Variants in HACE1 observed in about 807,000 individuals in gnomAD.
HACE1 encodes HECT domain and ankyrin repeat containing E3 ubiquitin protein ligase 1.
HACE1 carries 73 observed loss-of-function variants against 118.4 expected under a neutral mutation model. That is an observed-to-expected ratio of 0.62 (90% CI 0.51 to 0.75). The LOEUF is 0.75. Ranked by LOEUF, HACE1 falls within the 30% of genes least tolerant of loss-of-function variation. HACE1 has a pLI of 0.00. For synonymous variants in HACE1, 368 were observed against 374.8 expected, an observed-to-expected ratio of 0.98 and a Z score of 0.21; for missense variants, 749 against 1,102.2, an observed-to-expected ratio of 0.68 and a Z score of 4.54.
At chr6:104,832,970 T>C in intron 6 of HACE1, 72 bp downstream of exon 6, 1 of 1,383,364 alleles carries the variant, frequency 7.2e-7, no homozygotes, top group Non-Finnish European at 1.0e-6. Context: ...ATATGCACAA[T>C]GAAAAACTTT....
At chr6:104,766,237 ATC>A (rs1327176016) in intron 19 of HACE1, among the ~76,000 whole-genome samples, 2 of 152,120 alleles carry the variant, frequency 1.3e-5, no homozygotes, top group Non-Finnish European at 2.9e-5. Flanking sequence ...GCATGATGGA[ATC>A]TTGGTGTGTT....
At chr6:104,772,783 T>G (rs1002770341) in intron 17 of HACE1, among the ~76,000 whole-genome samples, 1 of 152,174 alleles carries the variant, frequency 6.6e-6, no homozygotes, top group African/African-American at 2.4e-5. Flanking sequence ...GAATCCACTT[T>G]TATAAAATAT....
chr6:104,786,604 C>CAAAAAAAAAAAAAAAAAAAAAAAA, intron 11 of HACE1: 1 of 67,918 alleles, frequency 1.5e-5, no homozygotes, highest in Non-Finnish European at 3.3e-5. Flanking sequence ...ATACTGTCTC[C>CAAAAAAAAAAAAAAAAAAAAAAAA]AAAAAAAAAA....
At chr6:104,743,132 A>T (rs1398782614) in intron 22 of HACE1, among the ~76,000 whole-genome samples, 1 of 136,684 alleles carries the variant, frequency 7.3e-6, no homozygotes, top group Non-Finnish European at 1.5e-5. Flanking sequence ...TGGACACAGG[A>T]AGGGGAATAT....
chr6:104,794,385 T>A (rs1783389002), intron 10 of HACE1, among the ~76,000 whole-genome samples: 1 of 152,208 alleles, frequency 6.6e-6, no homozygotes, highest in African/African-American at 2.4e-5. Context: ...ATAGGGTACT[T>A]AAAATTATAA....
Position 104,852,387 on chromosome 6 carries a change from CAA to C in HACE1, c.77-18_77-17del, listed in dbSNP as rs1491227817. 3 of 1,448,302 alleles carry C rather than the reference CAA, an allele frequency of 2.1e-6. No individual in the cohort carries two copies. The African/African-American group carries it at 4.2e-5, about 20-fold the overall frequency. 89.7% of individuals were successfully genotyped at this position (1,448,302 alleles called of 1,614,324 possible). On this transcript the variant is annotated splice_polypyrimidine_tract_variant and intron_variant, in intron 1 of 23. Coordinates refer to ENST00000262903, the MANE Select transcript of HACE1 (RefSeq NM_020771.4). Reference sequence around the variant, plus strand: ...GTTTCATTATCTGAGTAAAAAAAAACAAAGAGTTCATTTATCCCCTACTTTGT... The same window carrying C: ...GTTTCATTATCTGAGTAAAAAAAAACAGAGTTCATTTATCCCCTACTTTGT...
intron 6 of HACE1, among the ~76,000 whole-genome samples, chr6:104,814,562 A>G (rs1771925226): frequency 7.2e-6 from 1 of 138,546 alleles, no homozygotes; most frequent in Middle Eastern, 3.5e-3. Context: ...GAAAGAGAAT[A>G]AACCATAATA....
At chr6:104,801,467 G>A (rs896193531) in intron 7 of HACE1, among the ~76,000 whole-genome samples, 1 of 152,160 alleles carries the variant, frequency 6.6e-6, no homozygotes, top group Non-Finnish European at 1.5e-5. Flanking sequence ...CAGTCAGAGA[G>A]AAAGGTCAGT....
intron 11 of HACE1, among the ~76,000 whole-genome samples, 171 bp downstream of exon 11, chr6:104,791,333 C>T (rs145672142): frequency 3.0e-4 from 45 of 152,236 alleles, no homozygotes; most frequent in African/African-American, 1.0e-3. Context: ...CACCAACTTG[C>T]TGTTGATTAG....
intron 20 of HACE1, among the ~76,000 whole-genome samples, chr6:104,745,719 G>C (rs984026952): frequency 6.6e-5 from 10 of 151,888 alleles, no homozygotes; most frequent in African/African-American, 2.4e-4. Context: ...GGGATTACAG[G>C]CGTGAACCAC....
intron 3 of HACE1, among the ~76,000 whole-genome samples, chr6:104,850,325 T>A (rs1168847997): frequency 6.6e-6 from 1 of 152,200 alleles, no homozygotes; most frequent in Non-Finnish European, 1.5e-5. Flanking sequence ...ACTTTCAAGA[T>A]GGTCCATTCT....
In HACE1 at chr6:104,818,844, T is replaced by TA. The variant is rs556416348; in HGVS notation, c.535-7452dup. 2.8e-3 allele frequency among the ~76,000 whole-genome samples: 415 copies of TA among 146,650 alleles called. 4 individuals carry two copies. Among genetic ancestry groups the TA allele is most frequent in the Non-Finnish European group, 3.8e-3 (251 of 66,146 alleles). ...ATAAAATTCAACATCGATTTATGTT[T>TA]AAAAAAAAAAACTCTTAAAAAACTA... On this transcript the variant is annotated intron_variant, in intron 6 of 23. Coordinates refer to ENST00000262903, the MANE Select transcript of HACE1 (RefSeq NM_020771.4).
chr6:104,736,776 A>C (rs1775886233), intron 22 of HACE1, among the ~76,000 whole-genome samples: 1 of 152,176 alleles, frequency 6.6e-6, no homozygotes, highest in South Asian at 2.1e-4. Flanking sequence ...TGCCCAGCCT[A>C]TTTATTCTTT....
chr6:104,814,933 A>T lies in HACE1; in HGVS notation c.535-3540T>A, dbSNP rs1771966455. Among the ~76,000 whole-genome samples, 2 of 138,726 alleles carry T rather than the reference A, an allele frequency of 1.4e-5. 1 individual carries two copies. The highest frequency in any genetic ancestry group is 3.1e-5 in the Non-Finnish European group (2 of 64,446). The allele number at this position is 138,726 out of a possible 152,430, so 91.0% of individuals were successfully genotyped here. ...CAGCAGAACTCTGAGTCAATTAAAC[A>T]TCTTTTCTTCACAAATTACTCAGTC... On this transcript the variant is annotated intron_variant, in intron 6 of 23. Coordinates refer to ENST00000262903, the MANE Select transcript of HACE1 (RefSeq NM_020771.4).
chr6:104,794,738 T>C (rs1440851042), intron 10 of HACE1, among the ~76,000 whole-genome samples: 1 of 152,120 alleles, frequency 6.6e-6, no homozygotes, highest in Non-Finnish European at 1.5e-5. Flanking sequence ...ACCCCATCTC[T>C]ACTGAAAATA....
chr6:104,807,704 GAA>G (rs201878783), intron 7 of HACE1, among the ~76,000 whole-genome samples: 3 of 150,824 alleles, frequency 2.0e-5, no homozygotes, highest in Non-Finnish European at 4.4e-5. Flanking sequence ...ATGGCAGGGG[GAA>G]AAAAAAATCA....
At position 104,749,805 on chromosome 6, in the gene HACE1, T is replaced by C. The variant is rs538202182; in HGVS notation, c.2343+536A>G. On this transcript the variant is annotated intron_variant, in intron 20 of 23. Transcript: ENST00000262903. ...TGGATCACAGTACAATAAAGGCAAA[T>C]TAAAGTAGCAAAACCAAACATTCAT... Among the ~76,000 whole-genome samples, 29 of 151,948 alleles carry C rather than the reference T, an allele frequency of 1.9e-4. No individual in the cohort carries two copies. The East Asian group carries it at 4.1e-3, about 21-fold the overall frequency.
intron 4 of HACE1, among the ~76,000 whole-genome samples, chr6:104,843,974 A>G (rs1368470351): frequency 6.6e-6 from 1 of 151,072 alleles, no homozygotes; most frequent in East Asian, 1.9e-4. Context: ...CTCCTGCCTC[A>G]GCCTTCCGAG....
rs139802412 is a variant in HACE1 at position 104,731,888 on chromosome 6, A to G, written c.2514-1472T>C. 878 of 151,104 alleles carry G rather than the reference A, an allele frequency of 5.8e-3. 2 individuals are homozygous for G. The highest frequency in any genetic ancestry group is 0.02 in the African/African-American group (831 of 41,132). 9.4% of individuals were successfully genotyped at this position (151,104 alleles called of 1,614,324 possible). A position where few individuals can be genotyped will look rare whatever the true frequency, so the allele number is the denominator to read the frequency against. On this transcript the variant is annotated intron_variant, in intron 22 of 23. Transcript: ENST00000262903. ...CCCATAGAAAAAAAAAAAAATCCCG[A>G]TTAAAAATGGGCAAACAATTGAAAA...
Sources: allele counts gnomAD v4.1 joint callset (sites outside exome capture counted in the v4.1 genomes callset), GRCh38; gene constraint gnomAD v4.1.1; transcripts MANE v1.5; gene names NCBI Gene and HGNC (gene_info 2026-07-23, HGNC 2026-07-21).